Variants in C3orf49 observed in about 807,000 individuals in gnomAD.
C3orf49 encodes the protein chromosome 3 open reading frame 49, also known as putative uncharacterized protein C3orf49.
Under a neutral mutation model 13.3 loss-of-function variants are expected in C3orf49, and 27 were observed. That is an observed-to-expected ratio of 2.02 (90% CI 1.49 to 2.79). The LOEUF is 2.79. Ranked by LOEUF, C3orf49 falls within the 30% of genes most tolerant of loss-of-function variation. C3orf49 has a pLI of 0.00. For synonymous variants in C3orf49, 87 were observed against 47.6 expected (o/e 1.83, Z -3.40); for missense variants, 242 against 134.2 (o/e 1.80, Z -3.97).
the C3orf49 span, among the ~76,000 whole-genome samples, chr3:63,792,896 A>G: frequency 3.3e-5 from 5 of 152,288 alleles, no homozygotes; most frequent in African/African-American, 1.2e-4. Context: ...TATCCAGGTG[A>G]TGTGGTATTA....
At chr3:63,840,299 G>T (rs559807840) in intron 5 of C3orf49, among the ~76,000 whole-genome samples, 2 of 152,244 alleles carry the variant, frequency 1.3e-5, no homozygotes, top group African/African-American at 4.8e-5. Context: ...AATGAGATGG[G>T]TGAGGGAAAA....
intron 5 of C3orf49, among the ~76,000 whole-genome samples, chr3:63,844,064 T>C (rs1311525706): frequency 6.6e-6 from 1 of 152,290 alleles, no homozygotes; most frequent in African/African-American, 2.4e-5. Context: ...TGGATGAACC[T>C]AGAGAACATT....
At chr3:63,804,157 T>TTGCC in the C3orf49 span, among the ~76,000 whole-genome samples, 1 of 152,164 alleles carries the variant, frequency 6.6e-6, no homozygotes, top group Non-Finnish European at 1.5e-5. Flanking sequence ...GCTTGCTTGC[T>TTGCC]TGCCACCCAC....
the C3orf49 span, among the ~76,000 whole-genome samples, chr3:63,811,866 A>C: frequency 6.6e-6 from 1 of 151,774 alleles, no homozygotes; most frequent in South Asian, 2.1e-4. Flanking sequence ...GAGATTAAAA[A>C]AAAAATTGAT....
the C3orf49 span, among the ~76,000 whole-genome samples, chr3:63,801,577 G>A: frequency 2.8e-4 from 42 of 152,184 alleles, 1 homozygote; most frequent in East Asian, 7.9e-3. Flanking sequence ...TGTTGTCTAC[G>A]TAATAGAAAT....
At chr3:63,827,835 T>A (rs1479580288) in intron 3 of C3orf49, 110 bp downstream of exon 3, 8 of 579,944 alleles carry the variant, frequency 1.4e-5, no homozygotes, top group Non-Finnish European at 2.5e-5. Context: ...ATAAGCCCTT[T>A]AAATCTGCTG....
At chr3:63,817,589 T>A (rs1701339549), upstream of C3orf49, among the ~76,000 whole-genome samples, 1 of 152,064 alleles carries the variant, frequency 6.6e-6, no homozygotes, top group Admixed American at 6.5e-5. Flanking sequence ...ACCCATAAGC[T>A]TGGAAGGGGT....
chr3:63,801,902 C>T, the C3orf49 span, among the ~76,000 whole-genome samples: 2 of 152,176 alleles, frequency 1.3e-5, no homozygotes, highest in East Asian at 3.8e-4. Context: ...GTCCATTTTG[C>T]TCCCTAGCAT....
the C3orf49 span, among the ~76,000 whole-genome samples, chr3:63,803,414 C>T: frequency 6.6e-6 from 1 of 152,230 alleles, no homozygotes; most frequent in East Asian, 1.9e-4. Context: ...TCCTTTTGCC[C>T]AGAGAAGAAT....
At chr3:63,814,959 G>A (rs1028481513), upstream of C3orf49, among the ~76,000 whole-genome samples, 9 of 152,188 alleles carry the variant, frequency 5.9e-5, no homozygotes, top group Admixed American at 5.9e-4. Context: ...GGAGGCCTCT[G>A]GAAGCTCACA....
intron 6 of C3orf49, 22 bp downstream of exon 6, chr3:63,845,104 G>T (rs1701860129): frequency 1.5e-6 from 1 of 689,172 alleles, no homozygotes. Flanking sequence ...CTTCTTTTCT[G>T]GGGGTGGGGG....
At chr3:63,784,073 A>G in the C3orf49 span, among the ~76,000 whole-genome samples, 2 of 152,212 alleles carry the variant, frequency 1.3e-5, no homozygotes, top group Non-Finnish European at 2.9e-5. Context: ...GAAGGAAATT[A>G]AGGAATAGTT....
the C3orf49 span, among the ~76,000 whole-genome samples, chr3:63,807,233 G>A: frequency 4.6e-5 from 7 of 152,300 alleles, no homozygotes; most frequent in South Asian, 2.1e-4. Context: ...TTACAGGCGT[G>A]AGCCACTGCA....
Position 63,827,627 on chromosome 3 carries a change from G to T in C3orf49, c.472G>T (p.Ala158Ser). The T allele has an allele frequency of 1.4e-6, 1 of 703,276 alleles. No individual in the cohort carries two copies. The highest frequency in any genetic ancestry group is 2.6e-6 in the Non-Finnish European group (1 of 385,046). The allele number at this position is 703,276 out of a possible 1,614,324, so 43.6% of individuals were successfully genotyped here. A position where few individuals can be genotyped will look rare whatever the true frequency, so the allele number is the denominator to read the frequency against. ...GACTATACAACTTGATGTTGTAGAG[G>T]CAGAGACAGAGGAGATAACCCAGGG... Reference protein sequence around the residue: ...NATIQLDVVEAETEEITQGNT... With the variant: ...NATIQLDVVESETEEITQGNT... Residue 158 changes from alanine (A) to serine (S), a missense_variant, in exon 3 of 7, where the codon GCA (alanine) becomes TCA (serine). Transcript: ENST00000295896.
the C3orf49 span, among the ~76,000 whole-genome samples, chr3:63,783,338 A>G: frequency 6.6e-6 from 1 of 152,124 alleles, no homozygotes; most frequent in Non-Finnish European, 1.5e-5. Flanking sequence ...TCTATGAGAT[A>G]CTCTTGACAA....
At chr3:63,807,260 T>C in the C3orf49 span, among the ~76,000 whole-genome samples, 1 of 152,184 alleles carries the variant, frequency 6.6e-6, no homozygotes, top group South Asian at 2.1e-4. Context: ...CCCTCATACA[T>C]ATTTTTTGAA....
In C3orf49 at chr3:63,835,487, T is replaced by TA. The variant is rs1034646319; in HGVS notation, c.849+3650dup. ...AAGTTACTAGATAGGATTTTTAAAA[T>TA]AAAAAAAGGGCTTATAAGGAGTTAT... is the stretch of plus-strand genomic sequence containing the variant. On this transcript the variant is annotated intron_variant, in intron 5 of 6. Coordinates refer to ENST00000295896, the MANE Select transcript of C3orf49 (RefSeq NM_001355236.2). 2.7e-6 allele frequency: 3 copies of TA among 1,097,412 alleles called. No individual in the cohort carries two copies. The African/African-American group carries it at 4.8e-5, about 17-fold the overall frequency. 68.0% of individuals were successfully genotyped at this position (1,097,412 alleles called of 1,614,324 possible).
the C3orf49 span, among the ~76,000 whole-genome samples, chr3:63,798,658 A>T: frequency 6.6e-6 from 1 of 152,152 alleles, no homozygotes; most frequent in African/African-American, 2.4e-5. Context: ...GAAACAAATG[A>T]ATATTGTAAC....
the C3orf49 span, among the ~76,000 whole-genome samples, chr3:63,798,518 GCCTATCACATAATAAACACTT>G: frequency 6.6e-6 from 1 of 152,106 alleles, no homozygotes; most frequent in Non-Finnish European, 1.5e-5. Context: ...TAAAGTATGT[GCCTATCACATAATAAACACTT>G]AATAGTTATT....
Sources: allele counts gnomAD v4.1 joint callset (sites outside exome capture counted in the v4.1 genomes callset), GRCh38; gene constraint gnomAD v4.1.1; transcripts MANE v1.5; gene names NCBI Gene and HGNC (gene_info 2026-07-23, HGNC 2026-07-21).